TMEM135: variants seen among roughly 807,000 people sequenced by gnomAD.
TMEM135 encodes peroxisomal membrane protein 52.
A neutral mutation model predicts 60.3 loss-of-function variants in TMEM135; 30 were observed. The ratio of observed to expected loss-of-function variants is 0.50; its 90% CI spans 0.37 to 0.68. The LOEUF is 0.68. TMEM135 is among the 30% of genes least tolerant of loss of function. The probability of loss-of-function intolerance (pLI) is 0.00; values close to 1 mark genes in which losing one functional copy is unlikely to be tolerated. For synonymous variants in TMEM135, 190 were observed against 186.7 expected (o/e 1.02, Z -0.14); for missense variants, 468 against 548.8 (o/e 0.85, Z 1.47).
chr11:87,229,974 A>G (rs558500833), intron 5 of TMEM135, among the ~76,000 whole-genome samples: 1 of 152,198 alleles, frequency 6.6e-6, no homozygotes, highest in South Asian at 2.1e-4. Context: ...CCAGTTTAAT[A>G]TATCAGTTTC....
chr11:87,125,046 G>C (rs1277031888), intron 4 of TMEM135, among the ~76,000 whole-genome samples: 3 of 151,890 alleles, frequency 2.0e-5, no homozygotes, highest in Non-Finnish European at 4.4e-5. Flanking sequence ...ATGAGGCTCT[G>C]TACTTGACTT....
At position 87,084,713 on chromosome 11, in the gene TMEM135, G is replaced by A. The variant is rs558418636; in HGVS notation, c.363-6649G>A. 5.3e-5 allele frequency among the ~76,000 whole-genome samples: 8 copies of A among 152,320 alleles called. No homozygotes were observed. In the South Asian group the frequency reaches 1.5e-3, roughly 28 times the overall value. ...CAAAATAAATAGATAAATAAAAGAAGGGAACAATGAGAAAAGCTTATGTGG... is the reference window on the plus strand; with the variant it reads ...CAAAATAAATAGATAAATAAAAGAAAGGAACAATGAGAAAAGCTTATGTGG... On this transcript the variant is annotated intron_variant, in intron 3 of 14. Transcript: ENST00000305494.
chr11:87,242,257 G>C (rs1941155103), intron 6 of TMEM135, among the ~76,000 whole-genome samples: 1 of 151,762 alleles, frequency 6.6e-6, no homozygotes, highest in Non-Finnish European at 1.5e-5. Flanking sequence ...ATCATTGTCG[G>C]ACATTTGGGT....
At chr11:87,076,179 G>A (rs1312370824) in intron 3 of TMEM135, among the ~76,000 whole-genome samples, 1 of 152,210 alleles carries the variant, frequency 6.6e-6, no homozygotes, top group African/African-American at 2.4e-5. Context: ...CTGGGAGCCA[G>A]GGATAGGAGT....
intron 7 of TMEM135, among the ~76,000 whole-genome samples, chr11:87,297,157 G>T (rs1942360785): frequency 6.6e-6 from 1 of 152,148 alleles, no homozygotes; most frequent in Non-Finnish European, 1.5e-5. Context: ...TAAAGAGAAG[G>T]AGAAAAAGTT....
chr11:87,212,431 A>T (rs1940392050), intron 5 of TMEM135, among the ~76,000 whole-genome samples: 1 of 152,192 alleles, frequency 6.6e-6, no homozygotes, highest in Non-Finnish European at 1.5e-5. Context: ...GAACTTTGTA[A>T]ATTACAGAAG....
intron 4 of TMEM135, among the ~76,000 whole-genome samples, chr11:87,126,876 A>G (rs980038501): frequency 1.3e-5 from 2 of 152,182 alleles, no homozygotes; most frequent in African/African-American, 4.8e-5. Flanking sequence ...GATGGAATTA[A>G]AAGTCAAAAG....
intron 4 of TMEM135, among the ~76,000 whole-genome samples, chr11:87,129,062 C>A (rs1267051441): frequency 1.3e-5 from 2 of 148,204 alleles, no homozygotes; most frequent in Non-Finnish European, 3.0e-5. Flanking sequence ...ATATGTGGAG[C>A]TTTTGTGTCT....
intron 1 of TMEM135, among the ~76,000 whole-genome samples, chr11:87,056,566 A>G (rs1352504730): frequency 6.6e-6 from 1 of 152,238 alleles, no homozygotes; most frequent in African/African-American, 2.4e-5. Flanking sequence ...TGACAGACTA[A>G]TTATTAGACT....
At chr11:87,279,880 C>G (rs1942029344) in intron 6 of TMEM135, among the ~76,000 whole-genome samples, 1 of 152,132 alleles carries the variant, frequency 6.6e-6, no homozygotes, top group Non-Finnish European at 1.5e-5. Flanking sequence ...TCAGAGACAG[C>G]CTGGATGAAT....
intron 5 of TMEM135, among the ~76,000 whole-genome samples, chr11:87,167,840 G>T (rs190179863): frequency 9.8e-5 from 15 of 152,298 alleles, no homozygotes; most frequent in Non-Finnish European, 2.2e-4. Context: ...AGTTGAGGAG[G>T]AGTACCTCTT....
intron 6 of TMEM135, among the ~76,000 whole-genome samples, chr11:87,289,894 T>C (rs1022858477): frequency 6.6e-6 from 1 of 152,234 alleles, no homozygotes; most frequent in South Asian, 2.1e-4. Flanking sequence ...TTAACTTTTC[T>C]GTTCATGGCT....
At chr11:87,076,794 C>G (rs1479786121) in intron 3 of TMEM135, among the ~76,000 whole-genome samples, 1 of 152,132 alleles carries the variant, frequency 6.6e-6, no homozygotes, top group Non-Finnish European at 1.5e-5. Context: ...GCAGCAGGTT[C>G]CCTTTTGGCC....
At chr11:87,314,341 A>T in intron 11 of TMEM135, 130 bp from the exon 12 acceptor site, 1 of 757,430 alleles carries the variant, frequency 1.3e-6, no homozygotes, top group Non-Finnish European at 2.3e-6. Flanking sequence ...CATCTGGTTT[A>T]TTACTGTCCT....
At chr11:87,093,888 T>C (rs1857265088) in intron 4 of TMEM135, among the ~76,000 whole-genome samples, 1 of 152,162 alleles carries the variant, frequency 6.6e-6, no homozygotes, top group Admixed American at 6.5e-5. Flanking sequence ...TGAGTGATGA[T>C]ATTTTAATTT....
intron 5 of TMEM135, among the ~76,000 whole-genome samples, chr11:87,222,515 A>G (rs1488190553): frequency 6.8e-6 from 1 of 146,216 alleles, no homozygotes; most frequent in Non-Finnish European, 1.5e-5. Context: ...AAAAAAAATA[A>G]TTACTGGGCC....
chr11:87,183,829 G>A (rs541949187), intron 5 of TMEM135, among the ~76,000 whole-genome samples: 22 of 151,810 alleles, frequency 1.4e-4, no homozygotes, highest in South Asian at 6.3e-4. Context: ...GGTGGCGGGC[G>A]CCTGTAATCC....
chr11:87,153,661 G>A (rs1160698840), intron 4 of TMEM135, among the ~76,000 whole-genome samples: 2 of 151,830 alleles, frequency 1.3e-5, no homozygotes, highest in African/African-American at 2.4e-5. Flanking sequence ...ATTTATTTCT[G>A]TAGTTATTTG....
intron 7 of TMEM135, among the ~76,000 whole-genome samples, chr11:87,298,583 T>C (rs551635796): frequency 3.3e-5 from 5 of 150,292 alleles, no homozygotes; most frequent in Admixed American, 2.0e-4. Flanking sequence ...AGGTCAGGAG[T>C]TAGAGACCAG....
Sources: allele counts gnomAD v4.1 joint callset (sites outside exome capture counted in the v4.1 genomes callset), GRCh38; gene constraint gnomAD v4.1.1; transcripts MANE v1.5; gene names NCBI Gene and HGNC (gene_info 2026-07-23, HGNC 2026-07-21).